RHOJ: variants seen among roughly 807,000 people sequenced by gnomAD.
RHOJ encodes the protein rho-related GTP-binding protein RhoJ.
Under a neutral mutation model 23.4 loss-of-function variants are expected in RHOJ, and 11 were observed. That is an observed-to-expected ratio of 0.47 (90% CI 0.30 to 0.78). RHOJ has a LOEUF of 0.78. RHOJ is among the 30% of genes least tolerant of loss of function. The pLI is 0.08. For synonymous variants in RHOJ, 102 were observed against 102.7 expected, an observed-to-expected ratio of 0.99 and a Z score of 0.04; for missense variants, 254 against 273.4, an observed-to-expected ratio of 0.93 and a Z score of 0.50.
intron 1 of RHOJ, among the ~76,000 whole-genome samples, chr14:63,209,348 T>C (rs1433667843): frequency 6.6e-6 from 1 of 152,178 alleles, no homozygotes; most frequent in Non-Finnish European, 1.5e-5. Flanking sequence ...GTCCCTGTTA[T>C]CTCTCCAATC....
intron 1 of RHOJ, among the ~76,000 whole-genome samples, chr14:63,210,821 C>A (rs1236927764): frequency 1.3e-5 from 2 of 152,220 alleles, no homozygotes; most frequent in Non-Finnish European, 2.9e-5. Context: ...AAAATAAGCT[C>A]ATTCCAGCTG....
At chr14:63,249,804 A>C (rs754245470) in intron 1 of RHOJ, among the ~76,000 whole-genome samples, 1 of 152,212 alleles carries the variant, frequency 6.6e-6, no homozygotes, top group Non-Finnish European at 1.5e-5. Flanking sequence ...ACCCCAAAAC[A>C]TCAATGCCTG....
At chr14:63,287,209 C>T (rs148193515) in intron 4 of RHOJ, among the ~76,000 whole-genome samples, 3 of 152,264 alleles carry the variant, frequency 2.0e-5, no homozygotes, top group African/African-American at 7.2e-5. Flanking sequence ...ATGACATTTG[C>T]TAGAGACAGC....
intron 4 of RHOJ, among the ~76,000 whole-genome samples, chr14:63,289,930 T>C (rs1184157335): frequency 6.6e-6 from 1 of 152,306 alleles, no homozygotes; most frequent in East Asian, 1.9e-4. Flanking sequence ...TTTTTAACTT[T>C]TTAAAAAATA....
intron 1 of RHOJ, among the ~76,000 whole-genome samples, chr14:63,220,513 A>C (rs1894468228): frequency 6.6e-6 from 1 of 152,136 alleles, no homozygotes; most frequent in African/African-American, 2.4e-5. Flanking sequence ...AACCAACCAA[A>C]CAAAATTCAG....
intron 1 of RHOJ, among the ~76,000 whole-genome samples, chr14:63,254,639 G>A (rs1384389355): frequency 6.6e-6 from 1 of 152,102 alleles, no homozygotes; most frequent in Non-Finnish European, 1.5e-5. Flanking sequence ...TCAAGGAGAA[G>A]AGAGAAGCGG....
At chr14:63,216,981 C>G (rs547980275) in intron 1 of RHOJ, among the ~76,000 whole-genome samples, 1 of 152,252 alleles carries the variant, frequency 6.6e-6, no homozygotes, top group African/African-American at 2.4e-5. Flanking sequence ...ATTTCAAGAC[C>G]TAGAAAATTC....
chr14:63,254,849 G>A (rs896895057), intron 1 of RHOJ, among the ~76,000 whole-genome samples: 7 of 152,130 alleles, frequency 4.6e-5, no homozygotes, highest in Non-Finnish European at 8.8e-5. Context: ...TTATGTCAGA[G>A]AACTTCAAAA....
At chr14:63,255,268 G>A (rs74059345) in intron 1 of RHOJ, among the ~76,000 whole-genome samples, 3,587 of 152,186 alleles carry the variant, frequency 0.024, 141 homozygotes, top group African/African-American at 0.078. Context: ...TTAAGGTCTG[G>A]TGACTAGTGA....
rs563553983 is a variant in RHOJ at position 63,227,726 on chromosome 14, A to G, written c.178+22679A>G. Among the ~76,000 whole-genome samples the G allele has an allele frequency of 3.3e-5, 5 of 152,382 alleles. No individual in the cohort carries two copies. The East Asian group carries it at 9.6e-4, about 29-fold the overall frequency. ...GACTTTCGCAGAAGAAAAACAAACT[A>G]TTCAACAAATACTTTGAGACTGCTG... On this transcript the variant is annotated intron_variant, in intron 1 of 4. Coordinates refer to ENST00000316754, the MANE Select transcript of RHOJ (RefSeq NM_020663.5).
intron 1 of RHOJ, among the ~76,000 whole-genome samples, chr14:63,250,492 G>C (rs1324145579): frequency 6.6e-6 from 1 of 152,076 alleles, no homozygotes; most frequent in Non-Finnish European, 1.5e-5. Flanking sequence ...GCCCACCTTG[G>C]CCTCCCCAAA....
intron 4 of RHOJ, among the ~76,000 whole-genome samples, chr14:63,286,982 C>CTTTGCTAA (rs566302201): frequency 1.9e-3 from 295 of 152,300 alleles, no homozygotes; most frequent in African/African-American, 6.7e-3. Context: ...CTCTGTGTGC[C>CTTTGCTAA]TTTGCTAATT....
Position 63,205,038 on chromosome 14 carries a change from C to T in RHOJ, c.169C>T (p.His57Tyr). ...PEEYVPTVFD[H>Y]YAVTVTVGGK... is the part of the protein sequence containing the mutation. ...GGAATACGTGCCCACTGTGTTTGAC[C>T]ACTATGCAGGTAAGAAAAAGTGGGA... Residue 57 changes from histidine to tyrosine, a missense_variant, in exon 1 of 5, where the codon CAC (histidine) becomes TAC (tyrosine). Physicochemically the swap from His to Tyr is moderately conservative, Grantham distance 83 (BLOSUM62 2). Coordinates refer to ENST00000316754, the MANE Select transcript of RHOJ (RefSeq NM_020663.5). 6.2e-7 allele frequency: 1 copy of T among 1,613,644 alleles called. No homozygotes were observed. Among genetic ancestry groups the T allele is most frequent in the African/African-American group, 1.3e-5 (1 of 75,012 alleles).
intron 1 of RHOJ, among the ~76,000 whole-genome samples, chr14:63,250,607 C>A (rs148350854): frequency 2.1e-3 from 321 of 152,288 alleles, no homozygotes; most frequent in Non-Finnish European, 3.4e-3. Context: ...CCCCCATACA[C>A]ACACACACAA....
At chr14:63,230,223 A>G (rs1894666207) in intron 1 of RHOJ, among the ~76,000 whole-genome samples, 1 of 152,092 alleles carries the variant, frequency 6.6e-6, no homozygotes, top group South Asian at 2.1e-4. Context: ...TTCTATAGGT[A>G]TCTAAGACTG....
intron 1 of RHOJ, among the ~76,000 whole-genome samples, chr14:63,212,674 A>G (rs1419014001): frequency 6.6e-6 from 1 of 152,208 alleles, no homozygotes; most frequent in Admixed American, 6.5e-5. Flanking sequence ...CAATCCTGAT[A>G]GTATCATCTA....
At chr14:63,283,531 G>A (rs1488836319) in intron 4 of RHOJ, among the ~76,000 whole-genome samples, 3 of 152,150 alleles carry the variant, frequency 2.0e-5, no homozygotes, top group Non-Finnish European at 2.9e-5. Context: ...ATAGGGAGTC[G>A]TTAGATATAT....
chr14:63,284,210 A>T, intron 4 of RHOJ: 1 of 984,862 alleles, frequency 1.0e-6, no homozygotes, highest in Non-Finnish European at 1.2e-6. Context: ...GCTTGCAGGC[A>T]CTAAAACTAA....
intron 1 of RHOJ, among the ~76,000 whole-genome samples, chr14:63,238,687 G>C (rs1426945360): frequency 6.6e-6 from 1 of 152,162 alleles, no homozygotes; most frequent in Non-Finnish European, 1.5e-5. Flanking sequence ...CTCCCAAAGT[G>C]CTGGGATTAT....
Sources: allele counts gnomAD v4.1 joint callset (sites outside exome capture counted in the v4.1 genomes callset), GRCh38; gene constraint gnomAD v4.1.1; transcripts MANE v1.5; gene names NCBI Gene and HGNC (gene_info 2026-07-23, HGNC 2026-07-21).